The following MYO7B variants were observed in gnomAD, a reference collection of about 807,000 sequenced individuals.
MYO7B encodes unconventional myosin-VIIb.
Under a neutral mutation model 259.7 loss-of-function variants are expected in MYO7B, and 212 were observed. That is an observed-to-expected ratio of 0.82 (90% confidence interval 0.73 to 0.91). The LOEUF (loss-of-function observed/expected upper bound fraction) is 0.91, where lower values mean the gene tolerates loss of function less well. Ranked by LOEUF, MYO7B falls within the 40% of genes least tolerant of loss-of-function variation. The pLI, the probability that MYO7B is intolerant of heterozygous loss-of-function variation, is 0.00. For missense variants in MYO7B, 2,732 were observed against 2,813.5 expected (o/e 0.97, Z 0.66); for synonymous variants, 1,197 against 1,166.4 (o/e 1.03, Z -0.54).
chr2:127,623,976 C>T (rs545482188), intron 29 of MYO7B, 117 bp from the exon 30 acceptor site: 85 of 949,330 alleles, frequency 9.0e-5, no homozygotes, highest in Middle Eastern at 3.4e-4. Context: ...ACTCAGCCCA[C>T]GCTGGGCTCC....
intron 4 of MYO7B, among the ~76,000 whole-genome samples, chr2:127,566,100 G>A (rs1678328721): frequency 6.6e-6 from 1 of 152,102 alleles, no homozygotes; most frequent in Non-Finnish European, 1.5e-5. Flanking sequence ...CAGAGGGCAC[G>A]TCCTCTCCTT....
In MYO7B at chr2:127,607,167, C is replaced by T. The variant is rs764627934; in HGVS notation, c.2425-39C>T. The T allele has an allele frequency of 1.3e-6, 2 of 1,516,012 alleles. No homozygotes were observed. Among genetic ancestry groups the T allele is most frequent in the South Asian group, 2.5e-5 (2 of 80,584 alleles). The allele number at this position is 1,516,012 out of a possible 1,614,324, so 93.9% of individuals were successfully genotyped here. ...CCCCTCTCTGTTTCCTGGGGAAGGC[C>T]TTCTTGCCCCTGATCTCACCTCTCT... On this transcript the variant is annotated intron_variant, in intron 20 of 47. Transcript: ENST00000409816. This position sits in a 1 kb window ranked among gnomAD's most constrained non-coding sequence, Gnocchi z 4.4.
At chr2:127,544,145 T>C (rs1384193683) in intron 1 of MYO7B, among the ~76,000 whole-genome samples, 4 of 152,060 alleles carry the variant, frequency 2.6e-5, no homozygotes, top group African/African-American at 9.7e-5. Context: ...GATGCAATCA[T>C]AGCTCACTAC....
Position 127,569,856 on chromosome 2 carries a change from G to C in MYO7B, c.538G>C (p.Gly180Arg). ...LILQFLATIS[G>R]QHSWIEQQVL... ...CCTGCAGTTCCTGGCCACCATCAGT[G>C]GCCAGCATTCGTGGATTGAGCAGCA... The change falls in exon 6 of 48, where the codon GGC becomes CGC. Residue 180 changes from glycine to arginine, a missense_variant. This residue lies in a region of MYO7B where 1,906 missense variants were observed against 2,026.4 expected (regional missense o/e 0.94). Coordinates refer to ENST00000409816, the MANE Select transcript of MYO7B (RefSeq NM_001393586.1). 1 of 1,613,576 alleles carries C rather than the reference G, an allele frequency of 6.2e-7. No individual in the cohort carries two copies. The highest frequency in any genetic ancestry group is 8.5e-7 in the Non-Finnish European group (1 of 1,179,662).
chr2:127,635,008 G>T (rs772336988), intron 42 of MYO7B, 112 bp from the exon 43 acceptor site: 5 of 824,864 alleles, frequency 6.1e-6, no homozygotes, highest in South Asian at 3.0e-5. Flanking sequence ...AGGAAGAAGC[G>T]TGGGGGCTTT....
chr2:127,609,382 C>T lies in MYO7B; in HGVS notation c.2815-124C>T. On this transcript the variant is annotated intron_variant, in intron 22 of 47. Coordinates refer to ENST00000409816, the MANE Select transcript of MYO7B (RefSeq NM_001393586.1). The surrounding 1 kb of genome is among the most constrained non-coding windows in gnomAD (Gnocchi z 6.9). Reference sequence around the variant, plus strand: ...ACTGAATGTGGGGATGGGTGGTCTCCAGCACCTGAGGGATCAGGGTAATGC... The same window carrying T: ...ACTGAATGTGGGGATGGGTGGTCTCTAGCACCTGAGGGATCAGGGTAATGC... 1.1e-6 allele frequency: 1 copy of T among 870,788 alleles called. No individual in the cohort carries two copies. Among genetic ancestry groups the T allele is most frequent in the Non-Finnish European group, 1.8e-6 (1 of 553,456 alleles). 53.9% of individuals were successfully genotyped at this position (870,788 alleles called of 1,614,324 possible).
At chr2:127,565,054 A>T (rs958785224) in intron 3 of MYO7B, among the ~76,000 whole-genome samples, 179 bp from the exon 4 acceptor site, 2 of 152,222 alleles carry the variant, frequency 1.3e-5, no homozygotes, top group Non-Finnish European at 2.9e-5. Context: ...ATCCTGCCAC[A>T]GGAGTCTCTT....
Position 127,613,625 on chromosome 2 carries a change from A to C in MYO7B, c.3398+1022A>C, listed in dbSNP as rs1333731960. Reference sequence around the variant, plus strand: ...TGTTTGCTCATATATCTGGTACTTGACTGTTTTTTCCTCATAAGTCTAGTA... The same window carrying C: ...TGTTTGCTCATATATCTGGTACTTGCCTGTTTTTTCCTCATAAGTCTAGTA... On this transcript the variant is annotated intron_variant, in intron 26 of 47. Transcript: ENST00000409816. This position sits in a 1 kb window ranked among gnomAD's most constrained non-coding sequence, Gnocchi z 4.3. 6.6e-6 allele frequency among the ~76,000 whole-genome samples: 1 copy of C among 152,088 alleles called. No individual in the cohort carries two copies.
intron 19 of MYO7B, among the ~76,000 whole-genome samples, chr2:127,598,667 C>A (rs949020945): frequency 6.6e-6 from 1 of 152,112 alleles, no homozygotes. Flanking sequence ...TCAAGATTTT[C>A]TTTTGTGTTT....
chr2:127,540,210 T>A (rs1001947655), intron 1 of MYO7B, among the ~76,000 whole-genome samples: 5 of 150,436 alleles, frequency 3.3e-5, no homozygotes, highest in African/African-American at 1.2e-4. Flanking sequence ...GTCACCCAGG[T>A]TGGAGTGCAA....
intron 29 of MYO7B, 77 bp downstream of exon 29, chr2:127,623,452 C>T: frequency 7.0e-7 from 1 of 1,418,720 alleles, no homozygotes. Flanking sequence ...CAAGCCCTCT[C>T]ACCTTTCCAG....
In MYO7B at chr2:127,631,209, T is replaced by C; in HGVS notation, c.4941T>C (p.Ala1647=). ...ACACCAGCCTCTAACCTCACAGGGC[T>C]CCAGAGAAGGACATGGTGAGCATGG... ...LEEFSYEFFR[A]PEKDMVSMAV... Residue 1647 remains alanine (A), a synonymous_variant, in exon 37 of 48, where the codon GCT becomes GCC. Transcript: ENST00000409816. The C allele has an allele frequency of 6.3e-7, 1 of 1,597,706 alleles. No individual in the cohort carries two copies. Among genetic ancestry groups the C allele is most frequent in the African/African-American group, 1.3e-5 (1 of 74,760 alleles).
chr2:127,590,180 A>G lies in MYO7B; in HGVS notation c.1943A>G (p.Gln648Arg), dbSNP rs1679505776. The G allele has an allele frequency of 6.2e-7, 1 of 1,612,792 alleles. No individual in the cohort carries two copies. The highest frequency in any genetic ancestry group is 1.3e-5 in the African/African-American group (1 of 74,932). ...CTGATGAAAATCCTGACCAACTGCCAGCCTTACTTCATCCGCTGCATCAAA... is the reference window on the plus strand; with the variant it reads ...CTGATGAAAATCCTGACCAACTGCCGGCCTTACTTCATCCGCTGCATCAAA... ...DQLMKILTNC[Q>R]PYFIRCIKPN... Residue 648 changes from glutamine to arginine, a missense_variant, in exon 16 of 48, where the codon CAG becomes CGG. Coordinates refer to ENST00000409816, the MANE Select transcript of MYO7B (RefSeq NM_001393586.1). The surrounding 1 kb of genome is among the most constrained non-coding windows in gnomAD (Gnocchi z 4.6).
In MYO7B at chr2:127,576,214, A is replaced by G. The variant is rs191887454; in HGVS notation, c.736-381A>G. ...ACCTTCTCTCGGAAAAAAAAAAAATACTGAAGGCCTAGGGAGCCCCGTGGC... is the reference window on the plus strand; with the variant it reads ...ACCTTCTCTCGGAAAAAAAAAAAATGCTGAAGGCCTAGGGAGCCCCGTGGC... On this transcript the variant is annotated intron_variant, in intron 7 of 47. Coordinates refer to ENST00000409816, the MANE Select transcript of MYO7B (RefSeq NM_001393586.1). This position sits in a 1 kb window ranked among gnomAD's most constrained non-coding sequence, Gnocchi z 4.9. 4.6e-4 allele frequency among the ~76,000 whole-genome samples: 70 copies of G among 151,812 alleles called. No individual in the cohort carries two copies. The highest frequency in any genetic ancestry group is 9.4e-4 in the Non-Finnish European group (64 of 67,922).
Position 127,632,547 on chromosome 2 carries a change from C to T in MYO7B, c.5405+146C>T, listed in dbSNP as rs1035093449. On this transcript the variant is annotated intron_variant, in intron 39 of 47. Coordinates refer to ENST00000409816, the MANE Select transcript of MYO7B (RefSeq NM_001393586.1). Reference sequence around the variant, plus strand: ...CAGCTTGGCAGGCAGGATTGGGCCCCGAGCTGCCAGAGAAGAGGGTGGAGG... The same window carrying T: ...CAGCTTGGCAGGCAGGATTGGGCCCTGAGCTGCCAGAGAAGAGGGTGGAGG... The T allele has an allele frequency of 4.4e-5, 49 of 1,113,200 alleles. 1 individual carries two copies. The Middle Eastern group carries it at 9.4e-4, about 21-fold the overall frequency. 69.0% of individuals were successfully genotyped at this position (1,113,200 alleles called of 1,614,324 possible).
chr2:127,547,417 T>C (rs1479582065), intron 1 of MYO7B, among the ~76,000 whole-genome samples: 2 of 152,192 alleles, frequency 1.3e-5, no homozygotes, highest in African/African-American at 4.8e-5. Context: ...GTGTGTGTGC[T>C]CCAAATTCAT....
chr2:127,564,672 GC>G (rs1291251125), intron 3 of MYO7B, among the ~76,000 whole-genome samples: 1 of 152,142 alleles, frequency 6.6e-6, no homozygotes, highest in Non-Finnish European at 1.5e-5. Flanking sequence ...TAGGTGGTGA[GC>G]AGGGAAGGGC....
intron 1 of MYO7B, among the ~76,000 whole-genome samples, chr2:127,547,510 G>A (rs188047891): frequency 1.6e-4 from 24 of 152,316 alleles, no homozygotes; most frequent in South Asian, 1.0e-3. Flanking sequence ...TACCCTGGGG[G>A]GAAGAGGTAA....
At chr2:127,601,810 A>T (rs1460148824) in intron 19 of MYO7B, among the ~76,000 whole-genome samples, 1 of 152,184 alleles carries the variant, frequency 6.6e-6, no homozygotes. Flanking sequence ...AGATTCTTGG[A>T]AACTATGACT....
Sources: allele counts gnomAD v4.1 joint callset (sites outside exome capture counted in the v4.1 genomes callset), GRCh38; gene constraint gnomAD v4.1.1; regional missense constraint gnomAD v4.1.1; non-coding constraint Gnocchi (gnomAD v3.1); transcripts MANE v1.5; gene names NCBI Gene and HGNC (gene_info 2026-07-23, HGNC 2026-07-21).